Variants in IGFL2 observed in about 807,000 individuals in gnomAD.
The protein encoded by IGFL2 is insulin growth factor-like family member 2.
In IGFL2, 7 loss-of-function variants were observed where a neutral mutation model predicts 13.9. The observed-to-expected ratio is 0.51, with a 90% CI of 0.29 to 0.95. IGFL2 has a LOEUF of 0.95. Ranked by LOEUF, IGFL2 falls within the 40% of genes least tolerant of loss-of-function variation. The probability of loss-of-function intolerance (pLI) is 0.08; values close to 1 mark genes in which losing one functional copy is unlikely to be tolerated. For missense variants in IGFL2, 138 were observed against 147.8 expected (o/e 0.93, Z 0.34); for synonymous variants, 55 against 55.8 (o/e 0.99, Z 0.07).
the IGFL2 span, among the ~76,000 whole-genome samples, chr19:46,183,563 T>G: frequency 6.0e-5 from 9 of 149,018 alleles, no homozygotes; most frequent in African/African-American, 2.2e-4. Flanking sequence ...TTAGATGGAG[T>G]CTCACTCTGT....
At chr19:46,119,400 A>G in the IGFL2 span, among the ~76,000 whole-genome samples, 1 of 152,154 alleles carries the variant, frequency 6.6e-6, no homozygotes, top group African/African-American at 2.4e-5. Context: ...CTGCCCACAC[A>G]CAGGGATCAT....
the IGFL2 span, among the ~76,000 whole-genome samples, chr19:46,083,028 A>G: frequency 1.3e-5 from 2 of 152,216 alleles, no homozygotes; most frequent in Admixed American, 6.5e-5. Flanking sequence ...CAACTGTCCT[A>G]TGTGTTTAAA....
chr19:46,137,221 A>T, the IGFL2 span: 20 of 1,525,546 alleles, frequency 1.3e-5, no homozygotes, highest in Non-Finnish European at 1.7e-5. Flanking sequence ...TCTTGGGCCC[A>T]CGGCAGGTAA....
At chr19:46,186,875 C>G in the IGFL2 span, among the ~76,000 whole-genome samples, 2 of 152,220 alleles carry the variant, frequency 1.3e-5, no homozygotes, top group Non-Finnish European at 2.9e-5. Context: ...GATGCCTGCT[C>G]TCTTAACGAG....
chr19:46,195,672 C>T, the IGFL2 span: 3 of 152,092 alleles, frequency 2.0e-5, no homozygotes, highest in Non-Finnish European at 4.4e-5. Context: ...ACGCTTTGGC[C>T]CCTACCTGGG....
the IGFL2 span, among the ~76,000 whole-genome samples, chr19:46,080,528 C>G: frequency 6.6e-6 from 1 of 152,192 alleles, no homozygotes; most frequent in African/African-American, 2.4e-5. Context: ...TTTCTAATTT[C>G]AGAAAGTATT....
At chr19:46,102,845 A>C in the IGFL2 span, among the ~76,000 whole-genome samples, 1 of 152,126 alleles carries the variant, frequency 6.6e-6, no homozygotes, top group Admixed American at 6.6e-5. Context: ...GTATGGAGAG[A>C]TAATGGGCAA....
intron 1 of IGFL2, among the ~76,000 whole-genome samples, chr19:46,157,014 T>G (rs1973862522): frequency 6.6e-6 from 1 of 152,116 alleles, no homozygotes; most frequent in Non-Finnish European, 1.5e-5. Flanking sequence ...CTACACAATT[T>G]GACAACTTAG....
chr19:46,206,141 C>T, the IGFL2 span, among the ~76,000 whole-genome samples: 1 of 152,150 alleles, frequency 6.6e-6, no homozygotes, highest in Admixed American at 6.5e-5. Context: ...CTCTTGCATC[C>T]ACAGAGCCCT....
At chr19:46,172,711 A>ATG in the IGFL2 span, among the ~76,000 whole-genome samples, 240 of 152,184 alleles carry the variant, frequency 1.6e-3, 1 homozygote, top group African/African-American at 5.1e-3. Flanking sequence ...CCTCACTTTG[A>ATG]TGTGTATATA....
intron 1 of IGFL2, among the ~76,000 whole-genome samples, chr19:46,152,461 T>C (rs1354516469): frequency 6.6e-6 from 1 of 151,984 alleles, no homozygotes; most frequent in Non-Finnish European, 1.5e-5. Context: ...ATGTTTTTAT[T>C]TTTATACAGA....
At chr19:46,127,450 G>T in the IGFL2 span, among the ~76,000 whole-genome samples, 1 of 152,130 alleles carries the variant, frequency 6.6e-6, no homozygotes, top group Non-Finnish European at 1.5e-5. Context: ...TAGGTCATAG[G>T]CAATCATTCT....
the IGFL2 span, among the ~76,000 whole-genome samples, chr19:46,166,825 G>A: frequency 5.1e-4 from 78 of 152,296 alleles, no homozygotes; most frequent in African/African-American, 1.8e-3. Context: ...TGGCTCACCG[G>A]CGGTCAGAGT....
At chr19:46,154,934 G>A (rs1399185980) in intron 1 of IGFL2, among the ~76,000 whole-genome samples, 1 of 152,096 alleles carries the variant, frequency 6.6e-6, no homozygotes, top group East Asian at 1.9e-4. Flanking sequence ...CTCTCCCCCG[G>A]GCAGAACCGC....
the IGFL2 span, among the ~76,000 whole-genome samples, chr19:46,115,949 T>C: frequency 2.0e-5 from 3 of 152,166 alleles, no homozygotes; most frequent in Admixed American, 6.5e-5. Flanking sequence ...GCTTCCTTGC[T>C]CTGCCGCCTG....
At chr19:46,139,971 C>T (rs564525606), upstream of IGFL2, among the ~76,000 whole-genome samples, 9 of 151,992 alleles carry the variant, frequency 5.9e-5, no homozygotes, top group Admixed American at 5.2e-4. Flanking sequence ...TATTTTGAGA[C>T]GGAGTTTCAT....
the IGFL2 span, among the ~76,000 whole-genome samples, chr19:46,126,306 C>G: frequency 1.3e-5 from 2 of 152,324 alleles, no homozygotes; most frequent in Admixed American, 6.5e-5. Flanking sequence ...TGCTTTCTTA[C>G]ACAACATCAT....
chr19:46,171,320 A>G, the IGFL2 span, among the ~76,000 whole-genome samples: 1 of 152,182 alleles, frequency 6.6e-6, no homozygotes, highest in Non-Finnish European at 1.5e-5. Context: ...GAGCTAAGTC[A>G]AGGGGAGTCA....
the IGFL2 span, chr19:46,213,572 CCCTCA>C: frequency 1.3e-5 from 2 of 155,332 alleles, no homozygotes; most frequent in Admixed American, 6.5e-5. Flanking sequence ...ACTCCCTGTT[CCCTCA>C]TTCTTGTTCC....
Sources: allele counts gnomAD v4.1 joint callset (sites outside exome capture counted in the v4.1 genomes callset), GRCh38; gene constraint gnomAD v4.1.1; transcripts MANE v1.5; gene names NCBI Gene and HGNC (gene_info 2026-07-23, HGNC 2026-07-21).